The following SACS variants were observed in gnomAD, a reference collection of about 807,000 sequenced individuals.
The protein encoded by SACS is sacsin.
A neutral mutation model predicts 348.0 loss-of-function variants in SACS; 197 were observed. The ratio of observed to expected loss-of-function variants is 0.57; its 90% CI spans 0.50 to 0.64. SACS has a LOEUF of 0.64. Ranked by LOEUF, SACS falls within the 30% of genes least tolerant of loss-of-function variation. The probability of loss-of-function intolerance (pLI) is 0.00; values close to 1 mark genes in which losing one functional copy is unlikely to be tolerated. For synonymous variants in SACS, 1,985 were observed against 1,910.6 expected, an observed-to-expected ratio of 1.04 and a Z score of -1.02; for missense variants, 4,999 against 5,360.8, an observed-to-expected ratio of 0.93 and a Z score of 2.11.
chr13:23,361,441 CA>C (rs1230657980), intron 6 of SACS, among the ~76,000 whole-genome samples: 4 of 152,076 alleles, frequency 2.6e-5, no homozygotes, highest in Non-Finnish European at 5.9e-5. Context: ...CTACTCTGAT[CA>C]AAACGATGTG....
At chr13:23,342,256 C>T (rs771282905) in intron 9 of SACS, among the ~76,000 whole-genome samples, 1 of 152,080 alleles carries the variant, frequency 6.6e-6, no homozygotes, top group Non-Finnish European at 1.5e-5. Flanking sequence ...AATAAATATA[C>T]AAAATGCATT....
chr13:23,384,912 T>C (rs781706622), intron 2 of SACS, among the ~76,000 whole-genome samples: 1 of 152,186 alleles, frequency 6.6e-6, no homozygotes, highest in Non-Finnish European at 1.5e-5. Context: ...ATAAAAGTTA[T>C]GTTTATACAC....
chr13:23,417,804 C>T (rs941100928), intron 1 of SACS, among the ~76,000 whole-genome samples: 13 of 152,064 alleles, frequency 8.5e-5, no homozygotes, highest in Admixed American at 6.6e-4. Flanking sequence ...TGCGGTGGCT[C>T]ACACCTGTAA....
intron 9 of SACS, among the ~76,000 whole-genome samples, chr13:23,346,587 A>C (rs542957664): frequency 2.0e-5 from 3 of 152,320 alleles, no homozygotes; most frequent in Admixed American, 6.5e-5. Context: ...CTATGAAGTG[A>C]ATGTTTCCAA....
In SACS at chr13:23,432,000, C is replaced by G. The variant is rs1874450930; in HGVS notation, c.-502+1615G>C. On this transcript the variant is annotated intron_variant, in intron 1 of 9. Transcript: ENST00000382292. ...AAGAACCCTGCTAGGCGCCTTCATA[C>G]AAATCACCTGGTTTCAACCCTGTGA... is the stretch of plus-strand genomic sequence containing the variant. Among the ~76,000 whole-genome samples the G allele has an allele frequency of 1.3e-5, 2 of 152,198 alleles. 1 individual carries two copies. Among genetic ancestry groups the G allele is most frequent in the South Asian group, 4.1e-4 (2 of 4,832 alleles).
chr13:23,358,554 C>A, intron 6 of SACS, 73 bp from the exon 7 acceptor site: 2 of 1,511,814 alleles, frequency 1.3e-6, no homozygotes, highest in South Asian at 1.1e-5. Flanking sequence ...AAGAGATCCT[C>A]TATACAAAAT....
chr13:23,425,514 G>A (rs1797832055), intron 1 of SACS, among the ~76,000 whole-genome samples: 2 of 152,164 alleles, frequency 1.3e-5, no homozygotes, highest in Admixed American at 1.3e-4. Flanking sequence ...GTCGTGCTGG[G>A]GCCTTGGTGT....
chr13:23,369,548 C>CTT (rs775893158), intron 4 of SACS, among the ~76,000 whole-genome samples: 1 of 143,976 alleles, frequency 6.9e-6, no homozygotes. Flanking sequence ...CCCACCCATT[C>CTT]TTTTTTTTTT....
Position 23,332,518 on chromosome 13 carries a change from T to C in SACS, c.11358A>G (p.Glu3786=). The C allele has an allele frequency of 1.9e-6, 3 of 1,613,984 alleles. No individual in the cohort carries two copies. Among genetic ancestry groups the C allele is most frequent in the Non-Finnish European group, 2.5e-6 (3 of 1,179,908 alleles). ...CAACCCCTCGCAACTGAAAACGAAA[T>C]TCCCTTTTTTCTGCACTGAGGAATT... ...IYEFLSAEKR[E]FRFQLRGVAF... The change falls in exon 10 of 10, where the codon GAA becomes GAG. Residue 3786 remains glutamate (E), a synonymous_variant. Transcript: ENST00000382292.
chr13:23,431,429 TAAGGA>T (rs1281758950), intron 1 of SACS, among the ~76,000 whole-genome samples: 1 of 152,166 alleles, frequency 6.6e-6, no homozygotes, highest in Non-Finnish European at 1.5e-5. Context: ...GAGTGTGAGT[TAAGGA>T]AAGGAAAGAC....
chr13:23,367,146 C>T (rs1382801404), intron 5 of SACS, among the ~76,000 whole-genome samples: 1 of 152,214 alleles, frequency 6.6e-6, no homozygotes, highest in Non-Finnish European at 1.5e-5. Context: ...ATTCTATTCA[C>T]TTCTTTCTAC....
chr13:23,387,506 TATTCCTGGACTTGCC>T (rs886544751), intron 2 of SACS, among the ~76,000 whole-genome samples: 16 of 145,464 alleles, frequency 1.1e-4, no homozygotes, highest in African/African-American at 3.8e-4. Flanking sequence ...TGAAATAAGG[TATTCCTGGACTTGCC>T]ATTCTAAGGG....
At chr13:23,418,724 CA>C (rs1873786908) in intron 1 of SACS, among the ~76,000 whole-genome samples, 1 of 152,188 alleles carries the variant, frequency 6.6e-6, no homozygotes, top group Admixed American at 6.5e-5. Context: ...AGGGTGGTCT[CA>C]AACTCCTGAC....
intron 9 of SACS, among the ~76,000 whole-genome samples, chr13:23,353,240 G>T (rs767588790): frequency 2.0e-5 from 3 of 152,166 alleles, no homozygotes; most frequent in Non-Finnish European, 4.4e-5. Flanking sequence ...CCCTGTTACA[G>T]AGTTAATTGG....
At chr13:23,420,044 G>A (rs1873860372) in intron 1 of SACS, among the ~76,000 whole-genome samples, 1 of 152,092 alleles carries the variant, frequency 6.6e-6, no homozygotes, top group Non-Finnish European at 1.5e-5. Flanking sequence ...ATGTTCATCT[G>A]GGACCTGGTG....
intron 1 of SACS, among the ~76,000 whole-genome samples, chr13:23,412,870 G>T (rs774006416): frequency 3.9e-5 from 6 of 152,116 alleles, no homozygotes; most frequent in Admixed American, 1.3e-4. Flanking sequence ...AACATTTTAA[G>T]AAATAAATAG....
In SACS at chr13:23,331,990, T is replaced by C. The variant is rs1252737332; in HGVS notation, c.11886A>G (p.Ile3962Met). ...GKDHGFHTKLIMLFPQKLRPR... is the reference protein window; with the variant it reads ...GKDHGFHTKLMMLFPQKLRPR... ...GTCTAAGTTTTTGAGGAAAGAGCAT[T>C]ATCAACTTAGTGTGAAATCCATGGT... Residue 3962 changes from isoleucine (I) to methionine (M), a missense_variant, in exon 10 of 10, where the codon ATA becomes ATG. Coordinates refer to ENST00000382292, the MANE Select transcript of SACS (RefSeq NM_014363.6). The C allele has an allele frequency of 6.2e-6, 10 of 1,613,984 alleles. No individual in the cohort carries two copies. Among genetic ancestry groups the C allele is most frequent in the African/African-American group, 2.7e-5 (2 of 74,920 alleles).
chr13:23,355,865 T>C lies in SACS; in HGVS notation c.747A>G (p.Pro249=), dbSNP rs1377168303. 7 of 1,614,082 alleles carry C rather than the reference T, an allele frequency of 4.3e-6. No homozygotes were observed. In the South Asian group the frequency reaches 7.7e-5, roughly 18 times the overall value. Residue 249 remains proline, a synonymous_variant, in exon 8 of 10, where the codon CCA becomes CCG. Coordinates refer to ENST00000382292, the MANE Select transcript of SACS (RefSeq NM_014363.6). Reference sequence around the variant, plus strand: ...TGGTGCTTCCAAAAATGCCAACAAATGGTGCAAACTGGTCTGAAAGTTCAC... The same window carrying C: ...TGGTGCTTCCAAAAATGCCAACAAACGGTGCAAACTGGTCTGAAAGTTCAC... ...EISELSDQFA[P]FVGIFGSTKE... is the part of the protein sequence containing the mutation.
chr13:23,350,239 A>G (rs1869867912), intron 9 of SACS, among the ~76,000 whole-genome samples: 1 of 152,224 alleles, frequency 6.6e-6, no homozygotes, highest in Non-Finnish European at 1.5e-5. Flanking sequence ...GTGGAATGAC[A>G]GTGGAAGCAA....
Sources: gnomAD v4.1 joint callset for allele counts (sites outside exome capture counted in the v4.1 genomes callset) on GRCh38, gnomAD v4.1.1 for gene constraint, MANE v1.5 for transcripts, NCBI Gene and HGNC (gene_info 2026-07-23, HGNC 2026-07-21) for gene names.